FBLN7: variants seen among roughly 807,000 people sequenced by gnomAD.
FBLN7 encodes the protein fibulin-7.
Under a neutral mutation model 44.0 loss-of-function variants are expected in FBLN7, and 31 were observed. The observed-to-expected ratio is 0.70, with a 90% CI of 0.53 to 0.95. The LOEUF is 0.95. FBLN7 is among the 40% of genes least tolerant of loss of function. The pLI is 0.00. For synonymous variants in FBLN7, 262 were observed against 253.4 expected (o/e 1.03, Z -0.32); for missense variants, 573 against 618.5 (o/e 0.93, Z 0.78).
intron 2 of FBLN7, among the ~76,000 whole-genome samples, chr2:112,163,160 C>T (rs770825528): frequency 4.6e-5 from 7 of 152,206 alleles, no homozygotes; most frequent in Admixed American, 3.9e-4. Flanking sequence ...CAGGCTGCCA[C>T]GGCTGCTCCT....
At chr2:112,200,789 C>T in the FBLN7 span, among the ~76,000 whole-genome samples, 2 of 152,130 alleles carry the variant, frequency 1.3e-5, no homozygotes, top group Non-Finnish European at 2.9e-5. Flanking sequence ...CTTCAGCCTC[C>T]CAAAGTACTG....
intron 3 of FBLN7, among the ~76,000 whole-genome samples, chr2:112,165,842 T>A (rs776124097): frequency 2.4e-4 from 37 of 152,168 alleles, no homozygotes; most frequent in Non-Finnish European, 3.5e-4. Context: ...TAGAGGAAAA[T>A]CAGCCTTGGC....
Position 112,185,256 on chromosome 2 carries a change from C to T in FBLN7, c.864C>T (p.Ile288=), listed in dbSNP as rs1164837568. The T allele has an allele frequency of 6.2e-7, 1 of 1,614,008 alleles. No homozygotes were observed. The highest frequency in any genetic ancestry group is 1.7e-4 in the Middle Eastern group (1 of 6,058). The stretch of plus-strand genomic sequence containing the variant: ...TGTGCCCCCAGGGGACCACATGCAT[C>T]AACACCGGTGGAAGCTTCCAGTGTG... ...QPVCPQGTTC[I]NTGGSFQCVS... The change falls in exon 7 of 8, where the codon ATC becomes ATT. Residue 288 remains isoleucine, a synonymous_variant. Coordinates refer to ENST00000331203, the MANE Select transcript of FBLN7 (RefSeq NM_153214.3).
chr2:112,235,414 CAG>C, the FBLN7 span, among the ~76,000 whole-genome samples: 2 of 152,154 alleles, frequency 1.3e-5, no homozygotes, highest in Non-Finnish European at 2.9e-5. Context: ...AGAATATTGA[CAG>C]GGGGTTGAGA....
At chr2:112,168,127 CCG>C (rs1682266627) in intron 3 of FBLN7, among the ~76,000 whole-genome samples, 1 of 152,194 alleles carries the variant, frequency 6.6e-6, no homozygotes. Context: ...TGGTATCCTC[CCG>C]AGTCTTGCCC....
intron 4 of FBLN7, chr2:112,176,923 C>T (rs184858552): frequency 7.1e-6 from 1 of 140,084 alleles, no homozygotes; most frequent in Admixed American, 7.7e-5. Flanking sequence ...AGGGTTTCCT[C>T]CCACTGTGGG....
chr2:112,239,871 C>T, the FBLN7 span, among the ~76,000 whole-genome samples: 1 of 152,152 alleles, frequency 6.6e-6, no homozygotes, highest in Non-Finnish European at 1.5e-5. Context: ...AGCCATGAGC[C>T]ACCATGCCCG....
chr2:112,144,326 T>C (rs1680793428), intron 1 of FBLN7, among the ~76,000 whole-genome samples: 1 of 152,230 alleles, frequency 6.6e-6, no homozygotes, highest in African/African-American at 2.4e-5. Flanking sequence ...TTTTATATTT[T>C]ATTTTCACAT....
the FBLN7 span, among the ~76,000 whole-genome samples, chr2:112,211,004 A>G: frequency 1.1e-4 from 17 of 152,210 alleles, no homozygotes; most frequent in Non-Finnish European, 2.5e-4. Flanking sequence ...TTGCTGATAA[A>G]GTGGCTGTGG....
chr2:112,179,010 T>G (rs1284949717), intron 4 of FBLN7, among the ~76,000 whole-genome samples: 1 of 152,116 alleles, frequency 6.6e-6, no homozygotes, highest in Admixed American at 6.6e-5. Flanking sequence ...GAGAAAGAAA[T>G]AAAGCGCATC....
chr2:112,186,733 G>A (rs1051633411), intron 7 of FBLN7, among the ~76,000 whole-genome samples: 2 of 152,242 alleles, frequency 1.3e-5, no homozygotes, highest in Non-Finnish European at 2.9e-5. Context: ...CTGGCTAACT[G>A]CTGAGGTCCT....
intron 6 of FBLN7, 109 bp downstream of exon 6, chr2:112,183,037 T>TA (rs1228669723): frequency 1.4e-6 from 2 of 1,429,292 alleles, no homozygotes; most frequent in African/African-American, 2.9e-5. Flanking sequence ...CAGTTTCAGA[T>TA]ACATTGGATT....
rs1290870328 is a variant in FBLN7, at chr2:112,182,777, A to C, written c.671-14A>C. 2 of 1,584,460 alleles carry C rather than the reference A, an allele frequency of 1.3e-6. No homozygotes were observed. The highest frequency in any genetic ancestry group is 1.7e-6 in the Non-Finnish European group (2 of 1,166,438). ...CATGGCTCCTAAAGTCACAGTGAGC[A>C]CTTCTGTCTGCAGACGTGAACGAGT... is the stretch of plus-strand genomic sequence containing the variant. On this transcript the variant is annotated splice_polypyrimidine_tract_variant and intron_variant, in intron 5 of 7. Coordinates refer to ENST00000331203, the MANE Select transcript of FBLN7 (RefSeq NM_153214.3).
intron 1 of FBLN7, among the ~76,000 whole-genome samples, chr2:112,155,924 G>A (rs7571942): frequency 0.47 from 71,173 of 152,042 alleles, 16,961 homozygotes; most frequent in Middle Eastern, 0.65. Flanking sequence ...CCTTCCCAGC[G>A]CAGCCTTTGG....
Position 112,181,868 on chromosome 2 carries a change from T to C in FBLN7, c.662T>C (p.Val221Ala). 1.3e-6 allele frequency: 2 copies of C among 1,531,780 alleles called. No individual in the cohort carries two copies. The highest frequency in any genetic ancestry group is 1.7e-6 in the Non-Finnish European group (2 of 1,144,786). The allele number at this position is 1,531,780 out of a possible 1,614,324, so 94.9% of individuals were successfully genotyped here. ...FHLSGAAGDS[V>A]CQDVNECELY... The stretch of plus-strand genomic sequence containing the variant: ...CTGAGCGGCGCCGCCGGCGACAGCG[T>C]CTGCCAGGGTAGGCGCGGGCTCCGC... Residue 221 changes from valine to alanine, a missense_variant, in exon 5 of 8, where the codon GTC becomes GCC. Transcript: ENST00000331203.
chr2:112,148,423 G>T (rs961236049), intron 1 of FBLN7, among the ~76,000 whole-genome samples: 2 of 152,162 alleles, frequency 1.3e-5, no homozygotes, highest in African/African-American at 4.8e-5. Context: ...GATAAATACC[G>T]CTATCTAAAA....
chr2:112,175,928 GGA>G, intron 4 of FBLN7, 89 bp downstream of exon 4: 2 of 1,493,586 alleles, frequency 1.3e-6, no homozygotes, highest in South Asian at 1.3e-5. Flanking sequence ...AGACATGTAG[GGA>G]GCTCAGTCCC....
chr2:112,188,833 C>G (rs574335312), downstream of FBLN7: 1 of 152,306 alleles, frequency 6.6e-6, no homozygotes, highest in South Asian at 2.1e-4. Context: ...TGTTTCTTCT[C>G]CCATGGGCTC....
chr2:112,156,152 G>C (rs745461158), intron 1 of FBLN7, among the ~76,000 whole-genome samples: 2 of 152,182 alleles, frequency 1.3e-5, no homozygotes, highest in Non-Finnish European at 2.9e-5. Context: ...ACGGGAGTGA[G>C]AAATCTACTG....
Sources: gnomAD v4.1 joint callset for allele counts (sites outside exome capture counted in the v4.1 genomes callset) on GRCh38, gnomAD v4.1.1 for gene constraint, MANE v1.5 for transcripts, NCBI Gene and HGNC (gene_info 2026-07-23, HGNC 2026-07-21) for gene names.